Variants in TEX48 observed in about 807,000 individuals in gnomAD.
The protein encoded by TEX48 is testis expressed 48, also known as testis-expressed protein 48.
Under a neutral mutation model 13.2 loss-of-function variants are expected in TEX48, and 10 were observed. That is an observed-to-expected ratio of 0.75 (90% CI 0.47 to 1.28). The LOEUF (loss-of-function observed/expected upper bound fraction) is 1.28, where lower values mean the gene tolerates loss of function less well. Ranked by LOEUF, TEX48 falls within the 50% of genes most tolerant of loss-of-function variation. The pLI, the probability that TEX48 is intolerant of heterozygous loss-of-function variation, is 0.00. For missense variants in TEX48, 116 were observed against 139.4 expected, an observed-to-expected ratio of 0.83 and a Z score of 0.84; for synonymous variants, 45 against 52.3, an observed-to-expected ratio of 0.86 and a Z score of 0.60.
At chr9:114,676,135 T>G (rs1216855441) in intron 1 of TEX48, among the ~76,000 whole-genome samples, 1 of 152,178 alleles carries the variant, frequency 6.6e-6, no homozygotes, top group East Asian at 1.9e-4. Flanking sequence ...TGGATACTAG[T>G]TCATGAGCTT....
intron 1 of TEX48, among the ~76,000 whole-genome samples, chr9:114,678,386 CAA>C (rs1408052680): frequency 2.0e-5 from 3 of 152,114 alleles, no homozygotes; most frequent in Non-Finnish European, 4.4e-5. Flanking sequence ...GAAGGTAGAT[CAA>C]GAGAGGCCGA....
chr9:114,679,463 T>C (rs1828144322), intron 1 of TEX48, among the ~76,000 whole-genome samples: 1 of 152,042 alleles, frequency 6.6e-6, no homozygotes, highest in South Asian at 2.1e-4. Flanking sequence ...TACTGAGTCT[T>C]TCTGAGGAGA....
chr9:114,669,077 G>A (rs1484610092), intron 3 of TEX48, among the ~76,000 whole-genome samples: 1 of 152,084 alleles, frequency 6.6e-6, no homozygotes, highest in Non-Finnish European at 1.5e-5. Context: ...CTGGCCTCAA[G>A]TAATCCTTTA....
chr9:114,667,095 G>A (rs1049793216), intron 4 of TEX48, among the ~76,000 whole-genome samples: 1 of 152,184 alleles, frequency 6.6e-6, no homozygotes, highest in Non-Finnish European at 1.5e-5. Context: ...CACCCCTATG[G>A]GGGGGTGGGA....
At chr9:114,678,300 A>G (rs572886729) in intron 1 of TEX48, among the ~76,000 whole-genome samples, 17 of 152,250 alleles carry the variant, frequency 1.1e-4, no homozygotes, top group African/African-American at 3.1e-4. Context: ...TGGCTGCCCA[A>G]ATAAACTTTT....
At chr9:114,679,231 T>C (rs2133768292) in intron 1 of TEX48, among the ~76,000 whole-genome samples, 1 of 150,848 alleles carries the variant, frequency 6.6e-6, no homozygotes, top group Admixed American at 6.6e-5. Flanking sequence ...AGTGTAGATA[T>C]CTTGATCATT....
intron 3 of TEX48, among the ~76,000 whole-genome samples, chr9:114,669,254 C>G (rs1252189285): frequency 6.6e-6 from 1 of 151,998 alleles, no homozygotes; most frequent in Non-Finnish European, 1.5e-5. Context: ...ATTTATTTAA[C>G]CAAAGTTCCA....
rs77521529 is a variant in TEX48 at position 114,666,533 on chromosome 9, T to A, written c.*110A>T. ...CTTGGTGGCACAAGGATGGCTCAGATGTCTTCTCCTCCTTCAGGGGAGTTT... is the reference window on the plus strand; with the variant it reads ...CTTGGTGGCACAAGGATGGCTCAGAAGTCTTCTCCTCCTTCAGGGGAGTTT... On this transcript the variant is annotated 3_prime_UTR_variant, in exon 5 of 5. Transcript: ENST00000436752. The A allele has an allele frequency of 1.3e-5, 8 of 630,120 alleles. No individual in the cohort carries two copies. Among genetic ancestry groups the A allele is most frequent in the Non-Finnish European group, 2.1e-5 (8 of 372,270 alleles). The allele number at this position is 630,120 out of a possible 1,614,324, so 39.0% of individuals were successfully genotyped here.
chr9:114,681,622 A>T (rs1231300173), intron 1 of TEX48, among the ~76,000 whole-genome samples: 1 of 152,166 alleles, frequency 6.6e-6, no homozygotes, highest in Admixed American at 6.5e-5. Flanking sequence ...GAAGGTTCTG[A>T]TGCTGATGAA....
At chr9:114,669,869 C>T (rs369912681) in intron 3 of TEX48, among the ~76,000 whole-genome samples, 10 of 152,266 alleles carry the variant, frequency 6.6e-5, no homozygotes, top group South Asian at 4.1e-4. Context: ...CCACTGTGCC[C>T]GGCCCAGATT....
At chr9:114,680,622 A>G (rs1049401276) in intron 1 of TEX48, among the ~76,000 whole-genome samples, 3 of 152,192 alleles carry the variant, frequency 2.0e-5, no homozygotes, top group Non-Finnish European at 2.9e-5. Flanking sequence ...AGAAAAGCCA[A>G]TGACAGTGGT....
At chr9:114,679,572 T>C (rs1309346527) in intron 1 of TEX48, among the ~76,000 whole-genome samples, 2 of 152,148 alleles carry the variant, frequency 1.3e-5, no homozygotes, top group African/African-American at 2.4e-5. Flanking sequence ...GTTGATATGG[T>C]TTGTTTCTTA....
chr9:114,679,475 C>G (rs1054428411), intron 1 of TEX48, among the ~76,000 whole-genome samples: 1 of 152,024 alleles, frequency 6.6e-6, no homozygotes, highest in East Asian at 1.9e-4. Context: ...CTGAGGAGAA[C>G]TTTGCACTTA....
At chr9:114,674,842 CTT>C (rs79196358) in intron 1 of TEX48, among the ~76,000 whole-genome samples, 153 of 135,078 alleles carry the variant, frequency 1.1e-3, no homozygotes, top group Admixed American at 1.9e-3. Context: ...CCAGCAAATT[CTT>C]TTTTTTTTTT....
intron 1 of TEX48, among the ~76,000 whole-genome samples, chr9:114,677,408 T>G (rs1238955998): frequency 6.6e-6 from 1 of 152,214 alleles, no homozygotes; most frequent in East Asian, 1.9e-4. Context: ...GGCAGTTAGA[T>G]CTTTTGTTTT....
At chr9:114,678,752 G>A (rs1342572795) in intron 1 of TEX48, among the ~76,000 whole-genome samples, 2 of 149,098 alleles carry the variant, frequency 1.3e-5, no homozygotes, top group African/African-American at 5.0e-5. Context: ...TGAGGAGAGA[G>A]TATTGCTTGA....
intron 1 of TEX48, among the ~76,000 whole-genome samples, chr9:114,679,490 T>A (rs1421597743): frequency 6.6e-6 from 1 of 152,030 alleles, no homozygotes; most frequent in African/African-American, 2.4e-5. Context: ...CACTTAACAT[T>A]TTCCTATTTT....
intron 1 of TEX48, among the ~76,000 whole-genome samples, chr9:114,679,590 A>C (rs957069719): frequency 1.3e-5 from 2 of 152,096 alleles, no homozygotes; most frequent in African/African-American, 4.8e-5. Flanking sequence ...TTATGTGGAG[A>C]TCAGACTCTT....
At chr9:114,674,040 A>C (rs969167678) in intron 1 of TEX48, among the ~76,000 whole-genome samples, 1 of 152,102 alleles carries the variant, frequency 6.6e-6, no homozygotes, top group African/African-American at 2.4e-5. Context: ...TCCTGGGCTC[A>C]AGTGATCCTC....
Sources: gnomAD v4.1 joint callset for allele counts (sites outside exome capture counted in the v4.1 genomes callset) on GRCh38, gnomAD v4.1.1 for gene constraint, MANE v1.5 for transcripts, NCBI Gene and HGNC (gene_info 2026-07-23, HGNC 2026-07-21) for gene names.